Variants in TENM3 observed in about 807,000 individuals in gnomAD.
TENM3 encodes teneurin-3.
TENM3 carries 63 observed loss-of-function variants against 255.1 expected under a neutral mutation model. The ratio of observed to expected loss-of-function variants is 0.25; its 90% CI spans 0.20 to 0.30. TENM3 has a LOEUF of 0.30. Ranked by LOEUF, TENM3 falls within the 10% of genes least tolerant of loss-of-function variation. The pLI is 1.00. For missense variants in TENM3, 2,929 were observed against 3,461.1 expected, an observed-to-expected ratio of 0.85 and a Z score of 3.86; for synonymous variants, 1,306 against 1,322.3, an observed-to-expected ratio of 0.99 and a Z score of 0.27.
At chr4:182,387,729 A>T (rs534699146) in intron 3 of TENM3, among the ~76,000 whole-genome samples, 1 of 152,002 alleles carries the variant, frequency 6.6e-6, no homozygotes, top group Non-Finnish European at 1.5e-5. Context: ...CTGCAGCTTC[A>T]CTCCTGAGCC....
the TENM3 span, among the ~76,000 whole-genome samples, chr4:181,586,626 G>T: frequency 6.6e-6 from 1 of 152,110 alleles, no homozygotes; most frequent in Non-Finnish European, 1.5e-5. Flanking sequence ...TGGATCACGA[G>T]GTCGGGAGTT....
At chr4:182,069,475 C>T in the TENM3 span, among the ~76,000 whole-genome samples, 2 of 152,214 alleles carry the variant, frequency 1.3e-5, no homozygotes, top group Admixed American at 1.3e-4. Context: ...CCCCCTTCTA[C>T]CATATATCAC....
At chr4:182,592,933 T>C (rs1746820217) in intron 3 of TENM3, among the ~76,000 whole-genome samples, 1 of 152,220 alleles carries the variant, frequency 6.6e-6, no homozygotes, top group Non-Finnish European at 1.5e-5. Context: ...TCCATAAATA[T>C]GTTTGGCTTC....
intron 1 of TENM3, among the ~76,000 whole-genome samples, chr4:182,308,765 G>A (rs975644922): frequency 6.6e-6 from 1 of 152,146 alleles, no homozygotes; most frequent in Non-Finnish European, 1.5e-5. Flanking sequence ...TAATATTTGA[G>A]TGTATTGTGC....
At chr4:181,589,729 T>C in the TENM3 span, among the ~76,000 whole-genome samples, 3 of 152,186 alleles carry the variant, frequency 2.0e-5, no homozygotes, top group South Asian at 2.1e-4. Flanking sequence ...TGATCACTTA[T>C]GTACTGAATC....
At chr4:182,653,937 C>T (rs753279261) in intron 6 of TENM3, 44 bp downstream of exon 6, 1 of 1,538,552 alleles carries the variant, frequency 6.5e-7, no homozygotes, top group Admixed American at 1.9e-5. Flanking sequence ...TTTTAACATC[C>T]CTTTTCCATA....
At chr4:182,197,501 C>A (rs539487006) in intron 1 of TENM3, among the ~76,000 whole-genome samples, 1 of 152,042 alleles carries the variant, frequency 6.6e-6, no homozygotes, top group Admixed American at 6.5e-5. Context: ...CAAACCACTG[C>A]TTTAATTACT....
chr4:182,039,447 G>A, the TENM3 span, among the ~76,000 whole-genome samples: 2 of 152,108 alleles, frequency 1.3e-5, no homozygotes, highest in African/African-American at 2.4e-5. Context: ...GGTGCAAAAA[G>A]TATGCTTAGG....
chr4:182,156,503 C>A (rs921399753), intron 1 of TENM3, among the ~76,000 whole-genome samples: 1 of 152,040 alleles, frequency 6.6e-6, no homozygotes, highest in Admixed American at 6.6e-5. Flanking sequence ...AACCCTCCCC[C>A]TCTCCCCGCC....
chr4:181,996,159 T>TTA, the TENM3 span, among the ~76,000 whole-genome samples: 2 of 139,032 alleles, frequency 1.4e-5, no homozygotes, highest in African/African-American at 5.4e-5. Context: ...TCGCTACGGT[T>TTA]AAAAAAAAAA....
intron 3 of TENM3, among the ~76,000 whole-genome samples, chr4:182,471,023 T>G (rs1447394662): frequency 6.6e-6 from 1 of 152,218 alleles, no homozygotes; most frequent in Non-Finnish European, 1.5e-5. Context: ...TACAATTATA[T>G]TTGCCTCGAA....
chr4:182,010,455 C>T, the TENM3 span, among the ~76,000 whole-genome samples: 1 of 151,354 alleles, frequency 6.6e-6, no homozygotes, highest in Admixed American at 6.6e-5. Flanking sequence ...TATAATTATA[C>T]ATATTCCAAT....
At chr4:182,462,008 T>C (rs535195921) in intron 3 of TENM3, among the ~76,000 whole-genome samples, 1 of 152,224 alleles carries the variant, frequency 6.6e-6, no homozygotes, top group South Asian at 2.1e-4. Flanking sequence ...TTCTGAACTC[T>C]TCTTGCAAGT....
At chr4:182,086,973 T>C in the TENM3 span, among the ~76,000 whole-genome samples, 2 of 152,204 alleles carry the variant, frequency 1.3e-5, no homozygotes, top group African/African-American at 4.8e-5. Context: ...ATTCTAACAT[T>C]GTATGTGAAT....
At chr4:181,911,681 A>T in the TENM3 span, among the ~76,000 whole-genome samples, 1 of 152,192 alleles carries the variant, frequency 6.6e-6, no homozygotes, top group Non-Finnish European at 1.5e-5. Context: ...AGGCTGGCAC[A>T]TAAAAATCCA....
intron 1 of TENM3, among the ~76,000 whole-genome samples, chr4:182,266,118 T>C (rs1270041273): frequency 6.6e-6 from 1 of 152,218 alleles, no homozygotes; most frequent in Admixed American, 6.5e-5. Context: ...TTCTGCCCGG[T>C]GTGTCCTGGA....
At chr4:182,140,778 A>G (rs1749342721), upstream of TENM3, among the ~76,000 whole-genome samples, 1 of 152,096 alleles carries the variant, frequency 6.6e-6, no homozygotes, top group South Asian at 2.1e-4. Flanking sequence ...AAACGGACAG[A>G]CCCCAAAGGG....
At chr4:182,221,638 C>T (rs891414116) in intron 1 of TENM3, among the ~76,000 whole-genome samples, 3 of 152,084 alleles carry the variant, frequency 2.0e-5, no homozygotes, top group Admixed American at 6.6e-5. Flanking sequence ...AATCACGATC[C>T]TTTATGTAAG....
At chr4:181,911,663 A>T in the TENM3 span, among the ~76,000 whole-genome samples, 1 of 152,222 alleles carries the variant, frequency 6.6e-6, no homozygotes, top group Non-Finnish European at 1.5e-5. Context: ...AGTTTTTGTG[A>T]TGTTTAGAGG....
Sources: allele counts gnomAD v4.1 joint callset (sites outside exome capture counted in the v4.1 genomes callset), GRCh38; gene constraint gnomAD v4.1.1; transcripts MANE v1.5; gene names NCBI Gene and HGNC (gene_info 2026-07-23, HGNC 2026-07-21).